The following INO80 variants were observed in gnomAD, a reference collection of about 807,000 sequenced individuals.
The protein encoded by INO80 is INO80 complex ATPase subunit.
A neutral mutation model predicts 203.4 loss-of-function variants in INO80; 20 were observed. The ratio of observed to expected loss-of-function variants is 0.10; its 90% CI spans 0.07 to 0.14. The LOEUF (loss-of-function observed/expected upper bound fraction) is 0.14, where lower values mean the gene tolerates loss of function less well. Ranked by LOEUF, INO80 falls within the 10% of genes least tolerant of loss-of-function variation. The pLI is 1.00. For synonymous variants in INO80, 726 were observed against 685.2 expected (o/e 1.06, Z -0.93); for missense variants, 1,419 against 1,914.4 (o/e 0.74, Z 4.83).
rs768550045 is a variant in INO80 at position 41,096,315 on chromosome 15, C to A, written c.-5G>T. ...GGCACCCAACTCCGAGGCCATAGAA[C>A]AAATCTGTCTTCATGCACAAGGACC... On this transcript the variant is annotated 5_prime_UTR_variant, in exon 2 of 36. Transcript: ENST00000648947. 6.3e-7 allele frequency: 1 copy of A among 1,580,562 alleles called. No individual in the cohort carries two copies. Among genetic ancestry groups the A allele is most frequent in the Non-Finnish European group, 8.5e-7 (1 of 1,170,118 alleles).
At chr15:40,982,516 A>C (rs1244628369) in intron 35 of INO80, among the ~76,000 whole-genome samples, 5 of 152,228 alleles carry the variant, frequency 3.3e-5, no homozygotes, top group African/African-American at 1.2e-4. Flanking sequence ...CAGCTGAATG[A>C]ACGTTAACTA....
At chr15:40,993,011 T>G (rs983249529) in intron 29 of INO80, among the ~76,000 whole-genome samples, 2 of 152,132 alleles carry the variant, frequency 1.3e-5, no homozygotes, top group Non-Finnish European at 2.9e-5. Context: ...CCCAGGCTGG[T>G]TTCAAACATC....
At chr15:41,043,576 G>A (rs1274696001) in intron 24 of INO80, among the ~76,000 whole-genome samples, 4 of 152,110 alleles carry the variant, frequency 2.6e-5, no homozygotes, top group Non-Finnish European at 4.4e-5. Flanking sequence ...GTGTACAGGG[G>A]GCAAATACTG....
intron 5 of INO80, among the ~76,000 whole-genome samples, chr15:41,091,351 C>G (rs1404298510): frequency 6.6e-6 from 1 of 152,194 alleles, no homozygotes; most frequent in African/African-American, 2.4e-5. Flanking sequence ...TGAGCCACCG[C>G]ACCCAGTCAG....
rs1260562883 is a variant in INO80, at chr15:40,982,978, T to C, written c.4337A>G (p.Lys1446Arg). 1.9e-6 allele frequency: 3 copies of C among 1,614,216 alleles called. No homozygotes were observed. The South Asian group carries it at 3.3e-5, about 18-fold the overall frequency. ...TGCCGTGGACTTTCGGCTCCGGCCC[T>C]TCCCTGCTCCTTTGGCTGTGCTTCC... is the stretch of plus-strand genomic sequence containing the variant. Reference protein sequence around the residue: ...GSGSTAKGAGKGRSRKSTAGS... With the variant: ...GSGSTAKGAGRGRSRKSTAGS... Residue 1446 changes from lysine to arginine, a missense_variant, in exon 35 of 36, where the codon AAG becomes AGG. By Grantham distance (26) the Lys-to-Arg change is conservative (BLOSUM62 2). This residue lies in a region of INO80 where 214 missense variants were observed against 248.9 expected (regional missense o/e 0.86). Transcript: ENST00000648947.
intron 24 of INO80, among the ~76,000 whole-genome samples, chr15:41,033,025 C>T (rs950826212): frequency 6.6e-6 from 1 of 152,046 alleles, no homozygotes; most frequent in African/African-American, 2.4e-5. Context: ...GTGACAGAGA[C>T]TCCGTCTCAA....
intron 1 of INO80, among the ~76,000 whole-genome samples, chr15:41,097,512 G>A (rs1299522888): frequency 2.0e-5 from 3 of 151,432 alleles, no homozygotes; most frequent in Non-Finnish European, 4.4e-5. Flanking sequence ...TTTTTCAGAC[G>A]GAGTTTCGCT....
intron 25 of INO80, among the ~76,000 whole-genome samples, chr15:41,023,869 G>T (rs1205459164): frequency 2.0e-5 from 3 of 148,152 alleles, no homozygotes; most frequent in African/African-American, 7.5e-5. Flanking sequence ...TAACCGTTTT[G>T]ATTTAAAAAT....
intron 19 of INO80, among the ~76,000 whole-genome samples, chr15:41,050,707 T>C (rs2044854263): frequency 6.6e-6 from 1 of 152,240 alleles, no homozygotes; most frequent in South Asian, 2.1e-4. Flanking sequence ...GTGGTCTTCC[T>C]GCCTCCAGTT....
chr15:40,980,825 TGATAA>T (rs1363690715), intron 35 of INO80, among the ~76,000 whole-genome samples: 1 of 152,206 alleles, frequency 6.6e-6, no homozygotes, highest in Non-Finnish European at 1.5e-5. Flanking sequence ...ACATCAAGTT[TGATAA>T]GATGTTTCCT....
chr15:41,087,844 T>A (rs901716356), intron 5 of INO80, among the ~76,000 whole-genome samples, 162 bp from the exon 6 acceptor site: 3 of 152,134 alleles, frequency 2.0e-5, no homozygotes, highest in Non-Finnish European at 4.4e-5. Context: ...AATCACTTAC[T>A]TAACTTCAAA....
intron 29 of INO80, among the ~76,000 whole-genome samples, chr15:40,991,320 C>T (rs1455323146): frequency 2.6e-5 from 4 of 152,116 alleles, no homozygotes; most frequent in Middle Eastern, 3.4e-3. Flanking sequence ...ATATGAAATA[C>T]GTACAAACTA....
intron 29 of INO80, among the ~76,000 whole-genome samples, chr15:40,991,162 G>C (rs910185889): frequency 3.3e-5 from 5 of 152,298 alleles, no homozygotes; most frequent in Non-Finnish European, 7.3e-5. Context: ...TAAGATTAAA[G>C]CCTAAGGAGA....
intron 1 of INO80, among the ~76,000 whole-genome samples, chr15:41,097,722 T>TCC (rs766673065): frequency 6.6e-6 from 1 of 151,784 alleles, no homozygotes; most frequent in Non-Finnish European, 1.5e-5. Flanking sequence ...GATCCACCAG[T>TCC]CCCAACCTCC....
chr15:41,035,526 T>TAAAAA (rs751407826), intron 24 of INO80, among the ~76,000 whole-genome samples: 2 of 132,242 alleles, frequency 1.5e-5, no homozygotes, highest in Non-Finnish European at 3.3e-5. Flanking sequence ...ACTACATCTC[T>TAAAAA]AAAAAAAAAA....
intron 12 of INO80, 36 bp downstream of exon 12, chr15:41,071,813 G>A: frequency 1.3e-6 from 2 of 1,513,972 alleles, no homozygotes; most frequent in Non-Finnish European, 1.8e-6. Flanking sequence ...TAGGAAAAGA[G>A]ATAATAGAAG....
chr15:41,064,098 G>C (rs2045166121), intron 14 of INO80, among the ~76,000 whole-genome samples: 1 of 152,094 alleles, frequency 6.6e-6, no homozygotes, highest in Admixed American at 6.6e-5. Context: ...ATAGGCAGAC[G>C]AATCAGTAAA....
At chr15:41,050,987 G>T (rs2044858846) in intron 19 of INO80, among the ~76,000 whole-genome samples, 1 of 151,738 alleles carries the variant, frequency 6.6e-6, no homozygotes, top group African/African-American at 2.4e-5. Flanking sequence ...AAATTAGCAG[G>T]GTGTGGTACC....
At chr15:41,108,555 G>A (rs1258394826) in intron 1 of INO80, among the ~76,000 whole-genome samples, 3 of 143,744 alleles carry the variant, frequency 2.1e-5, no homozygotes, top group East Asian at 4.0e-4. Context: ...TCTCGCCACT[G>A]CATTCCAGCC....
Sources: allele counts gnomAD v4.1 joint callset (sites outside exome capture counted in the v4.1 genomes callset), GRCh38; gene constraint gnomAD v4.1.1; regional missense constraint gnomAD v4.1.1; transcripts MANE v1.5; gene names NCBI Gene and HGNC (gene_info 2026-07-23, HGNC 2026-07-21).